USP34: variants seen among roughly 807,000 people sequenced by gnomAD.
USP34 encodes ubiquitin carboxyl-terminal hydrolase 34.
In USP34, 70 loss-of-function variants were observed where a neutral mutation model predicts 460.3. The ratio of observed to expected loss-of-function variants is 0.15; its 90% CI spans 0.13 to 0.19. USP34 has a LOEUF of 0.19. USP34 is among the 10% of genes least tolerant of loss of function. USP34 has a pLI of 1.00. For synonymous variants in USP34, 1,647 were observed against 1,405.3 expected, an observed-to-expected ratio of 1.17 and a Z score of -3.85; for missense variants, 3,985 against 4,236.2, an observed-to-expected ratio of 0.94 and a Z score of 1.65.
intron 25 of USP34, 81 bp downstream of exon 25, chr2:61,314,504 A>T: frequency 7.8e-7 from 1 of 1,274,316 alleles, no homozygotes; most frequent in Middle Eastern, 2.1e-4. Context: ...CAAAAACTTT[A>T]GATTCACTTT....
chr2:61,227,547 C>G (rs1353738543), intron 61 of USP34, among the ~76,000 whole-genome samples: 1 of 152,128 alleles, frequency 6.6e-6, no homozygotes, highest in African/African-American at 2.4e-5. Flanking sequence ...TCCGTTTCTA[C>G]TAAAAATACA....
At chr2:61,279,037 ATTACT>A (rs1689457483) in intron 39 of USP34, among the ~76,000 whole-genome samples, 3 of 152,200 alleles carry the variant, frequency 2.0e-5, no homozygotes. Context: ...AAAAAGGAAA[ATTACT>A]TTACAAGCAA....
At chr2:61,319,082 C>CAA in intron 22 of USP34, 91 bp downstream of exon 22, 75 of 998,798 alleles carry the variant, frequency 7.5e-5, no homozygotes, top group Middle Eastern at 7.2e-4. Flanking sequence ...AAAAAACTGT[C>CAA]AAAAAAAAAA....
chr2:61,227,240 T>C (rs2103821927), intron 61 of USP34, 22 bp from the exon 62 acceptor site: 1 of 1,589,110 alleles, frequency 6.3e-7, no homozygotes, highest in Non-Finnish European at 8.6e-7. Flanking sequence ...TAAAATTCAA[T>C]TTTAATACGG....
chr2:61,421,770 T>C (rs939586635), intron 1 of USP34, among the ~76,000 whole-genome samples: 1 of 143,520 alleles, frequency 7.0e-6, no homozygotes, highest in African/African-American at 2.5e-5. Context: ...TAGTTTACAT[T>C]TAAAACACAC....
chr2:61,401,149 CAA>C (rs60805364), intron 3 of USP34, among the ~76,000 whole-genome samples: 7 of 104,834 alleles, frequency 6.7e-5, no homozygotes, highest in Admixed American at 2.3e-4. Flanking sequence ...GACTCTGTCT[CAA>C]AAAAAAAAAA....
intron 1 of USP34, among the ~76,000 whole-genome samples, chr2:61,430,006 G>T (rs185625172): frequency 0.028 from 4,313 of 152,272 alleles, 209 homozygotes; most frequent in African/African-American, 0.099. Flanking sequence ...GAGGTCAGGA[G>T]ATCGAGACCA....
chr2:61,242,848 A>G (rs1464792121), intron 51 of USP34, among the ~76,000 whole-genome samples: 1 of 152,072 alleles, frequency 6.6e-6, no homozygotes, highest in East Asian at 1.9e-4. Context: ...CAAAGATTCA[A>G]AACATTTTTT....
intron 41 of USP34, among the ~76,000 whole-genome samples, chr2:61,274,771 C>T (rs757455237): frequency 6.6e-6 from 1 of 152,170 alleles, no homozygotes; most frequent in Non-Finnish European, 1.5e-5. Flanking sequence ...ATTGGCTCAG[C>T]TTCCACAGAC....
Position 61,405,689 on chromosome 2 carries a change from C to T in USP34, c.552+19G>A, listed in dbSNP as rs906719269. On this transcript the variant is annotated intron_variant, in intron 3 of 79. Transcript: ENST00000398571. ...AAGACTTGGTATTACTTAAAATTCACACCACCTATTTTACATACCTCAATA... is the reference window on the plus strand; with the variant it reads ...AAGACTTGGTATTACTTAAAATTCATACCACCTATTTTACATACCTCAATA... 53 of 1,503,606 alleles carry T rather than the reference C, an allele frequency of 3.5e-5. No homozygotes were observed. The highest frequency in any genetic ancestry group is 3.5e-6 in the Non-Finnish European group (4 of 1,129,468). The allele number at this position is 1,503,606 out of a possible 1,614,324, so 93.1% of individuals were successfully genotyped here. A position where few individuals can be genotyped will look rare whatever the true frequency, so the allele number is the denominator to read the frequency against.
At chr2:61,230,945 A>G (rs376670382) in intron 58 of USP34, among the ~76,000 whole-genome samples, 7 of 152,218 alleles carry the variant, frequency 4.6e-5, no homozygotes, top group Admixed American at 1.3e-4. Flanking sequence ...AACTTGTACT[A>G]AAAGTTCCTA....
rs201642015 is a variant in USP34, at chr2:61,348,871, C to G, written c.1559G>C (p.Ser520Thr). 161 of 1,611,630 alleles carry G rather than the reference C, an allele frequency of 1.0e-4. No homozygotes were observed. Among genetic ancestry groups the G allele is most frequent in the Non-Finnish European group, 1.3e-4 (154 of 1,179,156 alleles). The change falls in exon 14 of 80, where the codon AGT (serine) becomes ACT (threonine). Residue 520 changes from serine to threonine, a missense_variant. Coordinates refer to ENST00000398571, the MANE Select transcript of USP34 (RefSeq NM_014709.4). ...ATCGCTATTATCACTGCTTTGAGGA[C>G]TAGCTGCAGGTGACCCTATATAAAA... ...TAPSPWSPAA[S>T]PQSSDNSDTH...
rs1286691178 is a variant in USP34 at position 61,214,066 on chromosome 2, G to A, written c.8676C>T (p.Tyr2892=). The change falls in exon 68 of 80, where the codon TAC becomes TAT. Residue 2892 remains tyrosine, a synonymous_variant. Coordinates refer to ENST00000398571, the MANE Select transcript of USP34 (RefSeq NM_014709.4). The stretch of plus-strand genomic sequence containing the variant: ...GAGTATCAATTTTACTCACTCCAGG[G>A]TATTGGCTGGCATGTGGTGTAAGAT... ...FKNLTPHASQ[Y]PGAVEELFNL... The A allele has an allele frequency of 1.9e-6, 3 of 1,614,184 alleles. No homozygotes were observed. In the South Asian group the frequency reaches 3.3e-5, roughly 18 times the overall value.
chr2:61,424,129 T>C (rs1694441929), intron 1 of USP34, among the ~76,000 whole-genome samples: 1 of 152,172 alleles, frequency 6.6e-6, no homozygotes, highest in Non-Finnish European at 1.5e-5. Flanking sequence ...ATCCCACTCG[T>C]GAGCATATAT....
At chr2:61,213,249 G>A (rs1053081541) in intron 68 of USP34, among the ~76,000 whole-genome samples, 6 of 152,082 alleles carry the variant, frequency 3.9e-5, no homozygotes, top group African/African-American at 1.2e-4. Context: ...TGCTGGGCTC[G>A]AGTGATCCGC....
intron 33 of USP34, among the ~76,000 whole-genome samples, chr2:61,292,114 C>G (rs1241776130): frequency 2.0e-5 from 3 of 152,088 alleles, no homozygotes; most frequent in East Asian, 3.8e-4. Flanking sequence ...GAATTAGATG[C>G]TGGTCATAGT....
intron 1 of USP34, among the ~76,000 whole-genome samples, chr2:61,440,872 A>C (rs1259005090): frequency 2.0e-5 from 3 of 151,786 alleles, no homozygotes; most frequent in Non-Finnish European, 2.9e-5. Context: ...TCACGCCTGT[A>C]ATCTCAGCAC....
chr2:61,387,755 A>G (rs2103882727), intron 5 of USP34, among the ~76,000 whole-genome samples: 1 of 148,232 alleles, frequency 6.7e-6, no homozygotes, highest in East Asian at 2.0e-4. Context: ...TTTTACGTAT[A>G]CACACATGTA....
At chr2:61,311,048 C>T (rs1467136906) in intron 27 of USP34, among the ~76,000 whole-genome samples, 1 of 152,110 alleles carries the variant, frequency 6.6e-6, no homozygotes, top group African/African-American at 2.4e-5. Context: ...TGAAGGGAGC[C>T]ATGAACATGG....
Sources: gnomAD v4.1 joint callset for allele counts (sites outside exome capture counted in the v4.1 genomes callset) on GRCh38, gnomAD v4.1.1 for gene constraint, MANE v1.5 for transcripts, NCBI Gene and HGNC (gene_info 2026-07-23, HGNC 2026-07-21) for gene names.